PLEKHA5: variants seen among roughly 807,000 people sequenced by gnomAD.
PLEKHA5 encodes pleckstrin homology domain-containing family A member 5.
A neutral mutation model predicts 181.9 loss-of-function variants in PLEKHA5; 55 were observed. The ratio of observed to expected loss-of-function variants is 0.30; its 90% CI spans 0.24 to 0.38. PLEKHA5 has a LOEUF of 0.38. Ranked by LOEUF, PLEKHA5 falls within the 10% of genes least tolerant of loss-of-function variation. PLEKHA5 has a pLI of 1.00. For synonymous variants in PLEKHA5, 535 were observed against 529.4 expected (o/e 1.01, Z -0.15); for missense variants, 1,432 against 1,549.5 (o/e 0.92, Z 1.27).
chr12:19,158,754 G>A (rs1350192796), intron 3 of PLEKHA5, among the ~76,000 whole-genome samples: 1 of 152,118 alleles, frequency 6.6e-6, no homozygotes, highest in East Asian at 1.9e-4. Context: ...AGACCTGTTT[G>A]TAGTTATGAT....
chr12:19,226,652 T>C (rs2059737103), intron 3 of PLEKHA5, among the ~76,000 whole-genome samples: 1 of 152,230 alleles, frequency 6.6e-6, no homozygotes, highest in Admixed American at 6.5e-5. Flanking sequence ...AACACTAGCA[T>C]ATATTGTTAT....
chr12:19,293,330 T>G (rs2078946552), intron 15 of PLEKHA5, among the ~76,000 whole-genome samples: 1 of 152,184 alleles, frequency 6.6e-6, no homozygotes, highest in African/African-American at 2.4e-5. Flanking sequence ...AATATAAAAT[T>G]TATATATTTT....
At chr12:19,175,068 A>G (rs1047069428) in intron 3 of PLEKHA5, among the ~76,000 whole-genome samples, 13 of 152,304 alleles carry the variant, frequency 8.5e-5, no homozygotes, top group African/African-American at 1.9e-4. Context: ...TAAATGGCCA[A>G]TTTTTTAGAA....
intron 20 of PLEKHA5, among the ~76,000 whole-genome samples, chr12:19,327,039 G>C (rs1237436543): frequency 6.6e-6 from 1 of 152,182 alleles, no homozygotes; most frequent in Admixed American, 6.5e-5. Context: ...AAGTGCATGT[G>C]TATGTTTGGT....
intron 3 of PLEKHA5, among the ~76,000 whole-genome samples, chr12:19,214,582 G>C (rs1433052467): frequency 1.3e-5 from 2 of 152,118 alleles, no homozygotes; most frequent in African/African-American, 4.8e-5. Flanking sequence ...AGGTGCCAGG[G>C]ATGTTGGGAA....
chr12:19,225,558 TAGA>T (rs1305770795), intron 3 of PLEKHA5, among the ~76,000 whole-genome samples: 3 of 152,164 alleles, frequency 2.0e-5, no homozygotes, highest in African/African-American at 7.2e-5. Context: ...CTGATCCTTG[TAGA>T]AGAACAAGAC....
At chr12:19,272,024 A>G (rs535826149) in intron 10 of PLEKHA5, among the ~76,000 whole-genome samples, 2 of 152,198 alleles carry the variant, frequency 1.3e-5, no homozygotes, top group African/African-American at 4.8e-5. Flanking sequence ...TCAAATACTT[A>G]AAATATTTAT....
intron 11 of PLEKHA5, among the ~76,000 whole-genome samples, chr12:19,281,647 T>C (rs2076179063): frequency 6.6e-6 from 1 of 152,208 alleles, no homozygotes; most frequent in East Asian, 1.9e-4. Context: ...GATTCTTTTT[T>C]TTCTGGCTCA....
At chr12:19,372,108 C>G (rs1054859241) in intron 31 of PLEKHA5, 2 of 152,212 alleles carry the variant, frequency 1.3e-5, no homozygotes, top group Non-Finnish European at 2.9e-5. Flanking sequence ...TCAAGTGATT[C>G]TCCTGCCTCA....
intron 3 of PLEKHA5, among the ~76,000 whole-genome samples, chr12:19,239,634 A>AT (rs751586613): frequency 1.9e-4 from 29 of 152,358 alleles, no homozygotes; most frequent in Admixed American, 5.9e-4. Flanking sequence ...GAGCAAATAC[A>AT]TTGTTTCAAA....
intron 3 of PLEKHA5, among the ~76,000 whole-genome samples, chr12:19,210,956 A>T (rs2056772626): frequency 6.6e-6 from 1 of 152,130 alleles, no homozygotes; most frequent in Non-Finnish European, 1.5e-5. Context: ...TATAAATTTT[A>T]ACAATGACAT....
At position 19,355,344 on chromosome 12, in the gene PLEKHA5, C is replaced by CTT. The variant is rs756942658; in HGVS notation, c.3138+1363_3138+1364dup. On this transcript the variant is annotated intron_variant, in intron 26 of 31. Transcript: ENST00000429027. ...ACTACATATAAGATATATGGCTAGT[C>CTT]TTTTTTTTTTTTTTTTTTTTTTCAA... Among the ~76,000 whole-genome samples, 147 of 93,954 alleles carry CTT rather than the reference C, an allele frequency of 1.6e-3. 3 individuals are homozygous for CTT. Among genetic ancestry groups the CTT allele is most frequent in the African/African-American group, 2.4e-3 (60 of 24,634 alleles). The allele number at this position is 93,954 out of a possible 152,430, so 61.6% of individuals were successfully genotyped here.
intron 21 of PLEKHA5, among the ~76,000 whole-genome samples, chr12:19,342,654 G>A (rs185503342): frequency 7.6e-4 from 115 of 152,182 alleles, no homozygotes; most frequent in African/African-American, 2.5e-3. Flanking sequence ...AGCACGTGCC[G>A]TAATCCCCAC....
intron 15 of PLEKHA5, among the ~76,000 whole-genome samples, chr12:19,312,812 A>G (rs1266371717): frequency 6.6e-6 from 1 of 152,168 alleles, no homozygotes; most frequent in Non-Finnish European, 1.5e-5. Context: ...TGCCTTCTCA[A>G]CTTGGGTAAA....
At chr12:19,137,512 A>G (rs1396112860) in intron 3 of PLEKHA5, among the ~76,000 whole-genome samples, 2 of 152,228 alleles carry the variant, frequency 1.3e-5, no homozygotes, top group African/African-American at 2.4e-5. Context: ...TTACAAAACA[A>G]CTACGAACTA....
chr12:19,209,567 G>C (rs2056482106), intron 3 of PLEKHA5, among the ~76,000 whole-genome samples: 1 of 152,184 alleles, frequency 6.6e-6, no homozygotes, highest in South Asian at 2.1e-4. Context: ...GAAGAGCAGA[G>C]CTTCCAGTGG....
intron 6 of PLEKHA5, among the ~76,000 whole-genome samples, chr12:19,258,544 C>CT (rs761028723): frequency 1.9e-4 from 25 of 132,676 alleles, no homozygotes; most frequent in South Asian, 7.3e-4. Context: ...CATTTAGTTT[C>CT]TTTTTTTTTT....
intron 3 of PLEKHA5, among the ~76,000 whole-genome samples, chr12:19,142,916 T>C (rs2037824850): frequency 6.6e-6 from 1 of 152,238 alleles, no homozygotes; most frequent in African/African-American, 2.4e-5. Context: ...TTTATTTCAC[T>C]TAGCATAATG....
At chr12:19,208,339 G>A (rs374910881) in intron 3 of PLEKHA5, among the ~76,000 whole-genome samples, 10 of 151,802 alleles carry the variant, frequency 6.6e-5, no homozygotes, top group African/African-American at 2.4e-4. Context: ...CCCAGGAGTC[G>A]GAGGTTGCAG....
Sources: gnomAD v4.1 joint callset for allele counts (sites outside exome capture counted in the v4.1 genomes callset) on GRCh38, gnomAD v4.1.1 for gene constraint, MANE v1.5 for transcripts, NCBI Gene and HGNC (gene_info 2026-07-23, HGNC 2026-07-21) for gene names.